Variants in MICAL2 observed in about 807,000 individuals in gnomAD.
The protein encoded by MICAL2 is microtubule associated monooxygenase, calponin and LIM domain containing 2, also known as [F-actin]-monooxygenase MICAL2.
A neutral mutation model predicts 127.3 loss-of-function variants in MICAL2; 77 were observed. The observed-to-expected ratio is 0.60, with a 90% CI of 0.50 to 0.73. The LOEUF is 0.73. Ranked by LOEUF, MICAL2 falls within the 30% of genes least tolerant of loss-of-function variation. MICAL2 has a pLI of 0.00. For synonymous variants in MICAL2, 570 were observed against 551.1 expected (o/e 1.03, Z -0.48); for missense variants, 1,351 against 1,434.4 (o/e 0.94, Z 0.94).
chr11:12,112,197 T>C (rs950342395), intron 1 of MICAL2, among the ~76,000 whole-genome samples: 4 of 152,192 alleles, frequency 2.6e-5, no homozygotes, highest in Admixed American at 2.6e-4. Context: ...AGTGGTGTGC[T>C]GTGTGCAGGA....
At chr11:12,292,735 G>A (rs140277110), downstream of MICAL2, among the ~76,000 whole-genome samples, 2,589 of 152,292 alleles carry the variant, frequency 0.017, 30 homozygotes, top group Non-Finnish European at 0.021. Flanking sequence ...TTGGTATGCA[G>A]GCTGGACTCT....
chr11:12,293,405 C>T (rs999241220), downstream of MICAL2, among the ~76,000 whole-genome samples: 1 of 152,054 alleles, frequency 6.6e-6, no homozygotes, highest in African/African-American at 2.4e-5. Context: ...AAAGAGTATC[C>T]CTTTAAAATC....
At chr11:12,247,048 T>C (rs1466088085) in intron 21 of MICAL2, among the ~76,000 whole-genome samples, 1 of 152,110 alleles carries the variant, frequency 6.6e-6, no homozygotes, top group African/African-American at 2.4e-5. Flanking sequence ...CTTCCTGTGA[T>C]GGTGAGAACT....
rs148716027 is a variant in MICAL2 at position 12,152,514 on chromosome 11, G to A, written c.-77-9565G>A. ...TCTGAGTGTTCTTCCTGGGTAGGGC[G>A]ATGTATGGTAGGCCCTGAGAGCTAA... is the stretch of plus-strand genomic sequence containing the variant. On this transcript the variant is annotated intron_variant, in intron 2 of 27. Coordinates refer to ENST00000683283, the MANE Select transcript of MICAL2 (RefSeq NM_001282663.2). Among the ~76,000 whole-genome samples the A allele has an allele frequency of 1.5e-4, 23 of 152,124 alleles. No homozygotes were observed. The East Asian group carries it at 3.9e-3, about 26-fold the overall frequency.
Position 12,260,072 on chromosome 11 carries a change from C to T in MICAL2, c.3334+175C>T, listed in dbSNP as rs752319749. The T allele has an allele frequency of 2.6e-6, 4 of 1,537,830 alleles. No homozygotes were observed. The South Asian group carries it at 3.6e-5, about 14-fold the overall frequency. On this transcript the variant is annotated intron_variant, in intron 26 of 27. Transcript: ENST00000683283. Reference sequence around the variant, plus strand: ...AGCCTGGGGCTGCCACTCCTCTGGGCGTTCTCTGAGGTCCTGGCAGCCATG... The same window carrying T: ...AGCCTGGGGCTGCCACTCCTCTGGGTGTTCTCTGAGGTCCTGGCAGCCATG...
At chr11:12,178,116 C>T (rs1410029890) in intron 3 of MICAL2, among the ~76,000 whole-genome samples, 3 of 152,282 alleles carry the variant, frequency 2.0e-5, no homozygotes, top group African/African-American at 7.2e-5. Context: ...TCATCAATGG[C>T]CAATGATTTC....
intron 27 of MICAL2, 61 bp downstream of exon 27, chr11:12,262,598 C>G: frequency 3.6e-6 from 5 of 1,380,254 alleles, no homozygotes; most frequent in Non-Finnish European, 5.2e-6. Context: ...GCTTTCCGCA[C>G]CCCGTCCTCT....
At chr11:12,175,168 G>T (rs1327141851) in intron 3 of MICAL2, among the ~76,000 whole-genome samples, 1 of 151,770 alleles carries the variant, frequency 6.6e-6, no homozygotes, top group Non-Finnish European at 1.5e-5. Context: ...CAGGTGCTAG[G>T]GACATAGCAG....
Position 12,213,296 on chromosome 11 carries a change from A to C in MICAL2, c.733A>C (p.Ile245Leu). 2.0e-5 allele frequency: 32 copies of C among 1,613,444 alleles called. No individual in the cohort carries two copies. Among genetic ancestry groups the C allele is most frequent in the Non-Finnish European group, 2.7e-5 (32 of 1,179,400 alleles). Residue 245 changes from isoleucine to leucine, a missense_variant, in exon 7 of 28, where the codon ATC (isoleucine) becomes CTC (leucine). This residue lies in a region of MICAL2 where 599 missense variants were observed against 714.9 expected (regional missense o/e 0.84). Coordinates refer to ENST00000683283, the MANE Select transcript of MICAL2 (RefSeq NM_001282663.2). ...KEFRGKLAIA[I>L]TANFINRNST... ...ATTCCGTGGGAAGCTGGCGATTGCC[A>C]TCACCGCCAACTTCATAAACAGAAA...
At chr11:12,215,331 C>T (rs1015806880) in intron 7 of MICAL2, among the ~76,000 whole-genome samples, 2 of 152,126 alleles carry the variant, frequency 1.3e-5, no homozygotes, top group African/African-American at 2.4e-5. Context: ...CCTATTTAAC[C>T]GTAATAAAGG....
chr11:12,239,286 G>A, intron 16 of MICAL2, 150 bp from the exon 17 acceptor site: 2 of 975,554 alleles, frequency 2.1e-6, no homozygotes, highest in Non-Finnish European at 3.2e-6. Flanking sequence ...GCCTCTGCGG[G>A]GGTGGCCCTG....
At chr11:12,228,078 C>T (rs1257809524) in intron 15 of MICAL2, among the ~76,000 whole-genome samples, 3 of 152,208 alleles carry the variant, frequency 2.0e-5, no homozygotes, top group Non-Finnish European at 4.4e-5. Context: ...CCTGTAATCC[C>T]AGCACTTTGG....
At chr11:12,208,535 T>A (rs533467765) in intron 5 of MICAL2, among the ~76,000 whole-genome samples, 8 of 152,366 alleles carry the variant, frequency 5.3e-5, no homozygotes, top group Admixed American at 5.2e-4. Flanking sequence ...CATTTTAAAA[T>A]CCAGTAAAGT....
At chr11:12,331,914 T>G (rs1938640332) in intron 32 of MICAL2, among the ~76,000 whole-genome samples, 1 of 152,222 alleles carries the variant, frequency 6.6e-6, no homozygotes, top group Non-Finnish European at 1.5e-5. Context: ...TTGTATTTAT[T>G]TGTTTGTTCA....
chr11:12,114,854 G>C (rs1036071871), intron 1 of MICAL2, among the ~76,000 whole-genome samples: 3 of 152,224 alleles, frequency 2.0e-5, no homozygotes, highest in Non-Finnish European at 4.4e-5. Flanking sequence ...TTGTGGTGGG[G>C]AGCCGAGACA....
intron 27 of MICAL2, 91 bp from the exon 28 acceptor site, chr11:12,263,469 C>A (rs979923327): frequency 6.5e-6 from 1 of 152,686 alleles, no homozygotes; most frequent in Admixed American, 6.5e-5. Context: ...CCCGGGCCTG[C>A]CTGCCTGGCC....
At chr11:12,194,486 C>G (rs1411120047) in intron 3 of MICAL2, among the ~76,000 whole-genome samples, 1 of 152,178 alleles carries the variant, frequency 6.6e-6, no homozygotes. Context: ...ATGAACTGCT[C>G]TATTTCCGGA....
chr11:12,147,894 C>T (rs1438244966), intron 2 of MICAL2, among the ~76,000 whole-genome samples: 1 of 152,196 alleles, frequency 6.6e-6, no homozygotes, highest in Non-Finnish European at 1.5e-5. Flanking sequence ...GGAACAGGCC[C>T]AGGAAACTGA....
At chr11:12,301,835 C>T (rs557643935) in intron 29 of MICAL2, among the ~76,000 whole-genome samples, 7 of 152,250 alleles carry the variant, frequency 4.6e-5, no homozygotes, top group South Asian at 2.1e-4. Flanking sequence ...CCTATCCTTC[C>T]GATGATTCCA....
Sources: gnomAD v4.1 joint callset for allele counts (sites outside exome capture counted in the v4.1 genomes callset) on GRCh38, gnomAD v4.1.1 for gene constraint, gnomAD v4.1.1 regional missense constraint, MANE v1.5 for transcripts, NCBI Gene and HGNC (gene_info 2026-07-23, HGNC 2026-07-21) for gene names.